Variants in ABTB3 observed in about 807,000 individuals in gnomAD.
ABTB3 encodes ankyrin repeat and BTB domain containing 3.
At chr12:107,537,180 T>G in the ABTB3 span, among the ~76,000 whole-genome samples, 2 of 151,308 alleles carry the variant, frequency 1.3e-5, no homozygotes, top group Non-Finnish European at 1.5e-5. Flanking sequence ...AAAAAAAAAA[T>G]TGAGCCCATA....
chr12:107,519,401 C>G, the ABTB3 span, among the ~76,000 whole-genome samples: 17 of 149,590 alleles, frequency 1.1e-4, no homozygotes, highest in Non-Finnish European at 1.9e-4. Context: ...CGGCTCATCA[C>G]AGCCTCTGCC....
At chr12:107,375,458 C>CATCATG in the ABTB3 span, among the ~76,000 whole-genome samples, 1 of 128,916 alleles carries the variant, frequency 7.8e-6, no homozygotes, top group East Asian at 2.4e-4. Flanking sequence ...TCATCATCAT[C>CATCATG]ATCATCATAA....
At chr12:107,503,453 A>T in the ABTB3 span, among the ~76,000 whole-genome samples, 1 of 152,120 alleles carries the variant, frequency 6.6e-6, no homozygotes, top group East Asian at 1.9e-4. Context: ...GTGTCAAAGC[A>T]TCAGAATACA....
chr12:107,418,941 A>T, the ABTB3 span, among the ~76,000 whole-genome samples: 1 of 152,112 alleles, frequency 6.6e-6, no homozygotes, highest in Non-Finnish European at 1.5e-5. Context: ...CTTCCCTAGG[A>T]TTTTTTTCAA....
chr12:107,530,438 C>A, the ABTB3 span, among the ~76,000 whole-genome samples: 1 of 152,166 alleles, frequency 6.6e-6, no homozygotes, highest in Admixed American at 6.5e-5. Context: ...GTAGCACATG[C>A]CATAATTCAA....
the ABTB3 span, among the ~76,000 whole-genome samples, chr12:107,371,749 T>A: frequency 6.6e-6 from 1 of 152,228 alleles, no homozygotes; most frequent in Non-Finnish European, 1.5e-5. Context: ...TCAAGATCCA[T>A]TTCCACTTAT....
the ABTB3 span, among the ~76,000 whole-genome samples, chr12:107,584,071 C>T: frequency 6.6e-6 from 1 of 152,172 alleles, no homozygotes; most frequent in Non-Finnish European, 1.5e-5. Context: ...AAGGATAAAC[C>T]ATTTCTTTTA....
the ABTB3 span, among the ~76,000 whole-genome samples, chr12:107,507,663 G>A: frequency 6.6e-6 from 1 of 152,166 alleles, no homozygotes. Context: ...TCAACTCAGT[G>A]TGCCAGCCAC....
At chr12:107,571,158 G>T in the ABTB3 span, among the ~76,000 whole-genome samples, 1 of 152,230 alleles carries the variant, frequency 6.6e-6, no homozygotes, top group South Asian at 2.1e-4. Flanking sequence ...AGCTAAGTTT[G>T]TTGAGCATTT....
the ABTB3 span, chr12:107,319,918 G>C: frequency 6.8e-7 from 1 of 1,465,896 alleles, no homozygotes. Context: ...CAGTCCCGCC[G>C]GCAGCCGCCG....
the ABTB3 span, among the ~76,000 whole-genome samples, chr12:107,547,585 A>T: frequency 1.3e-5 from 2 of 152,178 alleles, no homozygotes; most frequent in South Asian, 2.1e-4. Context: ...CATTTATCTC[A>T]TTCTTTCCAT....
the ABTB3 span, among the ~76,000 whole-genome samples, chr12:107,551,988 G>T: frequency 6.6e-6 from 1 of 152,208 alleles, no homozygotes; most frequent in African/African-American, 2.4e-5. Flanking sequence ...CTGACCTCGG[G>T]TGATCCGCCT....
the ABTB3 span, among the ~76,000 whole-genome samples, chr12:107,455,030 G>C: frequency 6.6e-6 from 1 of 152,322 alleles, no homozygotes; most frequent in Non-Finnish European, 1.5e-5. Flanking sequence ...CTTGTCCAAA[G>C]AGAAGAGACA....
the ABTB3 span, among the ~76,000 whole-genome samples, chr12:107,385,158 C>T: frequency 6.6e-6 from 1 of 152,322 alleles, no homozygotes; most frequent in South Asian, 2.1e-4. Context: ...TTTATTGTCT[C>T]CTCATCCCAC....
chr12:107,638,149 A>C, the ABTB3 span, among the ~76,000 whole-genome samples: 238 of 152,258 alleles, frequency 1.6e-3, 2 homozygotes, highest in Middle Eastern at 0.014. Context: ...TTTACCGTTT[A>C]TACTTTTCTA....
chr12:107,397,625 G>A, the ABTB3 span, among the ~76,000 whole-genome samples: 1 of 152,014 alleles, frequency 6.6e-6, no homozygotes, highest in African/African-American at 2.4e-5. Context: ...TTTTGTTATG[G>A]TCAAATTGAT....
the ABTB3 span, chr12:107,657,762 C>T: frequency 3.1e-6 from 5 of 1,595,106 alleles, no homozygotes; most frequent in Non-Finnish European, 4.3e-6. Context: ...TTCCAGTTCT[C>T]CTGCCGCATT....
At chr12:107,588,125 T>G in the ABTB3 span, among the ~76,000 whole-genome samples, 1 of 152,196 alleles carries the variant, frequency 6.6e-6, no homozygotes, top group African/African-American at 2.4e-5. Flanking sequence ...TGTGTCTGTG[T>G]CCAAATTTCC....
chr12:107,335,208 GC>G, the ABTB3 span, among the ~76,000 whole-genome samples: 1 of 139,634 alleles, frequency 7.2e-6, no homozygotes, highest in Non-Finnish European at 1.5e-5. Context: ...GATCACTTAA[GC>G]CCAGGAGTTT....
Sources: gnomAD v4.1 joint callset for allele counts (sites outside exome capture counted in the v4.1 genomes callset) on GRCh38, gnomAD v4.1.1 for gene constraint, MANE v1.5 for transcripts, NCBI Gene and HGNC (gene_info 2026-07-23, HGNC 2026-07-21) for gene names.